HMGA2: variants seen among roughly 807,000 people sequenced by gnomAD.
HMGA2 encodes high mobility group AT-hook 2.
In HMGA2, 8 loss-of-function variants were observed where a neutral mutation model predicts 19.1. The ratio of observed to expected loss-of-function variants is 0.42; its 90% confidence interval spans 0.25 to 0.76. HMGA2 has a LOEUF of 0.76. Ranked by LOEUF, HMGA2 falls within the 30% of genes least tolerant of loss-of-function variation. HMGA2 has a pLI of 0.28. For missense variants in HMGA2, 109 were observed against 136.3 expected (o/e 0.80, Z 1.00); for synonymous variants, 60 against 48.8 (o/e 1.23, Z -0.96).
chr12:65,833,097 A>T (rs1027816588), intron 2 of HMGA2, among the ~76,000 whole-genome samples: 1 of 152,084 alleles, frequency 6.6e-6, no homozygotes, highest in Non-Finnish European at 1.5e-5. Context: ...GAAATTACTT[A>T]TATTTTCTAT....
Position 65,966,035 on chromosome 12 carries a change from G to T in HMGA2, c.*2743G>T, listed in dbSNP as rs1273002534. ...AGTTAGGTATGTTTGCAGGAGAAAA[G>T]TATCAAGACGTTTAACTGCAGTTGA... On this transcript the variant is annotated 3_prime_UTR_variant, in exon 5 of 5. Transcript: ENST00000403681. The T allele has an allele frequency of 4.5e-6, 1 of 220,978 alleles. No homozygotes were observed. Among genetic ancestry groups the T allele is most frequent in the Non-Finnish European group, 9.1e-6 (1 of 110,024 alleles). The allele number at this position is 220,978 out of a possible 1,614,324, so 13.7% of individuals were successfully genotyped here. A position where few individuals can be genotyped will look rare whatever the true frequency, so the allele number is the denominator to read the frequency against.
At chr12:65,832,465 A>T (rs891653494) in intron 2 of HMGA2, among the ~76,000 whole-genome samples, 1 of 151,970 alleles carries the variant, frequency 6.6e-6, no homozygotes, top group Non-Finnish European at 1.5e-5. Context: ...TTTGCTAAGG[A>T]GATAGAATAT....
intron 3 of HMGA2, chr12:65,851,495 A>G (rs1871462834): frequency 3.6e-6 from 1 of 274,440 alleles, no homozygotes; most frequent in African/African-American, 2.3e-5. Flanking sequence ...AGCCTGGGTG[A>G]CAAGAGCGAA....
At chr12:65,886,656 G>A (rs974940668) in intron 3 of HMGA2, among the ~76,000 whole-genome samples, 2 of 152,016 alleles carry the variant, frequency 1.3e-5, no homozygotes, top group Admixed American at 6.6e-5. Flanking sequence ...AACGCCCGGC[G>A]GGGAGCTTCT....
At chr12:65,943,507 C>G (rs1876159939) in intron 3 of HMGA2, among the ~76,000 whole-genome samples, 1 of 152,156 alleles carries the variant, frequency 6.6e-6, no homozygotes, top group Non-Finnish European at 1.5e-5. Flanking sequence ...GAAACAAGGC[C>G]AGCAGCAGTG....
chr12:65,953,212 T>C (rs1876514587), intron 4 of HMGA2: 1 of 152,196 alleles, frequency 6.6e-6, no homozygotes, highest in African/African-American at 2.4e-5. Context: ...GTGAGTTTAA[T>C]ATGCAACTAG....
chr12:65,892,145 A>C (rs146935614), intron 3 of HMGA2, among the ~76,000 whole-genome samples: 1 of 152,300 alleles, frequency 6.6e-6, no homozygotes, highest in African/African-American at 2.4e-5. Context: ...GAGGGAACAT[A>C]CCGTGGTAGC....
In HMGA2 at chr12:65,951,369, C is replaced by G; in HGVS notation, c.250-14C>G. 6.7e-7 allele frequency: 1 copy of G among 1,493,882 alleles called. No individual in the cohort carries two copies. The highest frequency in any genetic ancestry group is 1.3e-5 in the South Asian group (1 of 76,220). The allele number at this position is 1,493,882 out of a possible 1,614,324, so 92.5% of individuals were successfully genotyped here. On this transcript the variant is annotated splice_polypyrimidine_tract_variant and intron_variant, in intron 3 of 4. Transcript: ENST00000403681. ...ATTTTCTTTTAAAATATATCTTTTT[C>G]TTTTCCTCCTTAGCCACAACAAGTT...
chr12:65,827,007 G>A (rs1232640869), intron 1 of HMGA2: 1 of 152,176 alleles, frequency 6.6e-6, no homozygotes, highest in Non-Finnish European at 1.5e-5. Flanking sequence ...TGGGTTTTAA[G>A]TTAATTAGTC....
intron 3 of HMGA2, among the ~76,000 whole-genome samples, chr12:65,892,922 T>G (rs1037520341): frequency 5.3e-5 from 8 of 152,298 alleles, no homozygotes; most frequent in African/African-American, 1.4e-4. Flanking sequence ...AAAATGGCCT[T>G]GATTCACAGG....
intron 3 of HMGA2, among the ~76,000 whole-genome samples, chr12:65,927,652 G>A (rs907825767): frequency 3.9e-5 from 6 of 152,048 alleles, no homozygotes; most frequent in African/African-American, 1.4e-4. Context: ...ATTAGAAGCA[G>A]GAAATGGGTT....
chr12:65,825,146 G>T lies in HMGA2; in HGVS notation c.-125G>T. ...TAAGCAACAGCAGCCCTCGCAGCCC[G>T]CCAGCTCGCGCTCGCCCCGCCGGCG... On this transcript the variant is annotated 5_prime_UTR_variant, in exon 1 of 5. Coordinates refer to ENST00000403681, the MANE Select transcript of HMGA2 (RefSeq NM_003483.6). This position sits in a 1 kb window ranked among gnomAD's most constrained non-coding sequence, Gnocchi z 4.4. The T allele has an allele frequency of 1.3e-6, 1 of 748,750 alleles. No homozygotes were observed. The highest frequency in any genetic ancestry group is 1.8e-5 in the African/African-American group (1 of 54,190). 46.4% of individuals were successfully genotyped at this position (748,750 alleles called of 1,614,324 possible).
intron 3 of HMGA2, among the ~76,000 whole-genome samples, chr12:65,892,829 T>C (rs1159832241): frequency 6.6e-6 from 1 of 152,178 alleles, no homozygotes; most frequent in Non-Finnish European, 1.5e-5. Context: ...TTCAACCAAA[T>C]GATGCTGCCT....
At chr12:65,849,804 C>T (rs983718600) in intron 3 of HMGA2, among the ~76,000 whole-genome samples, 13 of 143,068 alleles carry the variant, frequency 9.1e-5, no homozygotes, top group Non-Finnish European at 1.8e-4. Context: ...CTGCAACCTC[C>T]GCCTCCCGGG....
chr12:65,859,624 A>G (rs1871940424), intron 3 of HMGA2: 1 of 152,186 alleles, frequency 6.6e-6, no homozygotes, highest in African/African-American at 2.4e-5. Context: ...TAATCTTCAA[A>G]GTCCAGTTTA....
At chr12:65,916,815 G>T (rs572140486) in intron 3 of HMGA2, among the ~76,000 whole-genome samples, 95 of 152,334 alleles carry the variant, frequency 6.2e-4, no homozygotes, top group African/African-American at 2.2e-3. Context: ...AGGGAAGGAT[G>T]CAGGGAAAAG....
intron 3 of HMGA2, chr12:65,881,816 G>A (rs1873414606): frequency 1.4e-6 from 1 of 702,906 alleles, no homozygotes; most frequent in Admixed American, 2.0e-5. Flanking sequence ...CGCAAGTGGT[G>A]GGATGACAGA....
At chr12:65,959,302 TGGA>T in intron 4 of HMGA2, among the ~76,000 whole-genome samples, 1 of 152,348 alleles carries the variant, frequency 6.6e-6, no homozygotes, top group East Asian at 1.9e-4. Context: ...TGGGTTTTAG[TGGA>T]GTTTTTTTCC....
chr12:65,825,774 G>A lies in HMGA2; in HGVS notation c.111+393G>A, dbSNP rs1870137946. 6.6e-6 allele frequency among the ~76,000 whole-genome samples: 1 copy of A among 152,160 alleles called. No individual in the cohort carries two copies. The highest frequency in any genetic ancestry group is 6.5e-5 in the Admixed American group (1 of 15,288). Reference sequence around the variant, plus strand: ...TTTTGCAACTGCCCGGGAGGAAGGAGGTGCCGGGGACCCGGGCGCTTCGGC... The same window carrying A: ...TTTTGCAACTGCCCGGGAGGAAGGAAGTGCCGGGGACCCGGGCGCTTCGGC... On this transcript the variant is annotated intron_variant, in intron 1 of 4. Coordinates refer to ENST00000403681, the MANE Select transcript of HMGA2 (RefSeq NM_003483.6). This position sits in a 1 kb window ranked among gnomAD's most constrained non-coding sequence, Gnocchi z 4.4.
Sources: allele counts gnomAD v4.1 joint callset (sites outside exome capture counted in the v4.1 genomes callset), GRCh38; gene constraint gnomAD v4.1.1; non-coding constraint Gnocchi (gnomAD v3.1); transcripts MANE v1.5; gene names NCBI Gene and HGNC (gene_info 2026-07-23, HGNC 2026-07-21).